The following TICRR variants were observed in gnomAD, a reference collection of about 807,000 sequenced individuals.
TICRR encodes the protein treslin.
TICRR carries 132 observed loss-of-function variants against 178.1 expected under a neutral mutation model. The observed-to-expected ratio is 0.74, with a 90% CI of 0.64 to 0.86. The LOEUF is 0.86. Among genes scored for constraint, TICRR ranks in the 40% least tolerant of loss-of-function variants. TICRR has a pLI of 0.00. For missense variants in TICRR, 2,587 were observed against 2,334.3 expected (o/e 1.11, Z -2.23); for synonymous variants, 991 against 900.7 (o/e 1.10, Z -1.79).
chr15:89,589,580 C>T (rs1001572408), intron 4 of TICRR, among the ~76,000 whole-genome samples: 1 of 152,126 alleles, frequency 6.6e-6, no homozygotes, highest in Non-Finnish European at 1.5e-5. Flanking sequence ...TGGCCTTTCT[C>T]CCCTAATCCA....
Position 89,624,169 on chromosome 15 carries a change from A to G in TICRR, c.3859A>G (p.Lys1287Glu), listed in dbSNP as rs372115142. The change falls in exon 20 of 22, where the codon AAA becomes GAA. Residue 1287 changes from lysine to glutamate, a missense_variant. Physicochemically the swap from Lys to Glu is moderately conservative, Grantham distance 56. Transcript: ENST00000268138. ...AEEPAQKLKD[K>E]AIKTPKRPGN... ...GGAACCAGCCCAGAAACTAAAGGATAAAGCTATCAAAACTCCAAAAAGACC... is the reference window on the plus strand; with the variant it reads ...GGAACCAGCCCAGAAACTAAAGGATGAAGCTATCAAAACTCCAAAAAGACC... 4.3e-6 allele frequency: 7 copies of G among 1,613,996 alleles called. No individual in the cohort carries two copies. The highest frequency in any genetic ancestry group is 1.6e-4 in the Middle Eastern group (1 of 6,084).
At position 89,625,261 on chromosome 15, in the gene TICRR, C is replaced by T; in HGVS notation, c.4951C>T (p.His1651Tyr). The change falls in exon 20 of 22, where the codon CAC (histidine) becomes TAC (tyrosine). Residue 1651 changes from histidine to tyrosine, a missense_variant. By Grantham distance (83) the His-to-Tyr change is moderately conservative. Coordinates refer to ENST00000268138, the MANE Select transcript of TICRR (RefSeq NM_152259.4). The stretch of plus-strand genomic sequence containing the variant: ...CATCTGCCAGGCCTGTACCCCCACC[C>T]ACGGCCCTTCTAGTACCCCCTCTCC... ...TYICQACTPT[H>Y]GPSSTPSPFQ... is the part of the protein sequence containing the mutation. 1 of 1,613,272 alleles carries T rather than the reference C, an allele frequency of 6.2e-7. No individual in the cohort carries two copies. Among genetic ancestry groups the T allele is most frequent in the African/African-American group, 1.3e-5 (1 of 75,016 alleles).
At chr15:89,592,295 A>G in intron 5 of TICRR, 119 bp downstream of exon 5, 1 of 773,180 alleles carries the variant, frequency 1.3e-6, no homozygotes, top group Non-Finnish European at 1.9e-6. Context: ...AAAAGTAGTT[A>G]CAAAAATAAA....
At chr15:89,617,152 T>A (rs1963348079) in intron 16 of TICRR, among the ~76,000 whole-genome samples, 1 of 152,178 alleles carries the variant, frequency 6.6e-6, no homozygotes, top group African/African-American at 2.4e-5. Flanking sequence ...TCCTGCTCAT[T>A]GTATAGATAA....
chr15:89,586,771 G>T (rs1197047904), intron 4 of TICRR, among the ~76,000 whole-genome samples: 1 of 152,200 alleles, frequency 6.6e-6, no homozygotes, highest in East Asian at 1.9e-4. Context: ...GAATGGCAGG[G>T]AAGCCTGTGG....
Position 89,584,413 on chromosome 15 carries a change from C to A in TICRR, c.1062C>A (p.Ser354Arg). ...TGGCCCAGTGGTCTCTCCCAACGAG[C>A]AGCACTTTGGGCACTGACAGCTGGA... ...GSVAQWSLPTSSTLGTDSWML... is the reference protein window; with the variant it reads ...GSVAQWSLPTRSTLGTDSWML... Residue 354 changes from serine (S) to arginine (R), a missense_variant, in exon 3 of 22, where the codon AGC becomes AGA. Ser to Arg is a moderately radical substitution (Grantham distance 110). Coordinates refer to ENST00000268138, the MANE Select transcript of TICRR (RefSeq NM_152259.4). 1 of 1,614,142 alleles carries A rather than the reference C, an allele frequency of 6.2e-7. No individual in the cohort carries two copies. The highest frequency in any genetic ancestry group is 8.5e-7 in the Non-Finnish European group (1 of 1,180,000).
intron 15 of TICRR, among the ~76,000 whole-genome samples, chr15:89,611,619 G>C (rs1406665464): frequency 6.6e-6 from 1 of 151,708 alleles, no homozygotes; most frequent in African/African-American, 2.4e-5. Flanking sequence ...ATATGTGTTG[G>C]TACACTTGAT....
intron 15 of TICRR, among the ~76,000 whole-genome samples, chr15:89,615,122 T>G (rs112413108): frequency 6.6e-6 from 1 of 152,216 alleles, no homozygotes; most frequent in Non-Finnish European, 1.5e-5. Flanking sequence ...CAGCTTGTTA[T>G]TGCACCAAAT....
chr15:89,599,338 G>A lies in TICRR; in HGVS notation c.1915G>A (p.Glu639Lys). Reference sequence around the variant, plus strand: ...TTTTTTCTCAGATTTTAAAACTGAGGAAGAGCTGCTATCATATATACGTGA... The same window carrying A: ...TTTTTTCTCAGATTTTAAAACTGAGAAAGAGCTGCTATCATATATACGTGA... ...SSKPKDFKTEEELLSYIRENY... is the reference protein window; with the variant it reads ...SSKPKDFKTEKELLSYIRENY... The change falls in exon 8 of 22, where the codon GAA becomes AAA. Residue 639 changes from glutamate (E) to lysine (K), a missense_variant. Physicochemically the swap from Glu to Lys is moderately conservative, Grantham distance 56. Coordinates refer to ENST00000268138, the MANE Select transcript of TICRR (RefSeq NM_152259.4). The A allele has an allele frequency of 6.2e-7, 1 of 1,601,698 alleles. No individual in the cohort carries two copies. The highest frequency in any genetic ancestry group is 1.1e-5 in the South Asian group (1 of 88,454).
At chr15:89,601,048 GAAAAAAA>G (rs71151515) in intron 9 of TICRR, among the ~76,000 whole-genome samples, 3 of 74,818 alleles carry the variant, frequency 4.0e-5, no homozygotes, top group East Asian at 4.1e-4. Context: ...CCTGTCTCAG[GAAAAAAA>G]AAAAAAAAAA....
At position 89,603,137 on chromosome 15, in the gene TICRR, T is replaced by G. The variant is rs143411452; in HGVS notation, c.2664+245T>G. Among the ~76,000 whole-genome samples, 714 of 152,238 alleles carry G rather than the reference T, an allele frequency of 4.7e-3. 5 individuals carry two copies. Among genetic ancestry groups the G allele is most frequent in the African/African-American group, 0.017 (691 of 41,542 alleles). On this transcript the variant is annotated intron_variant, in intron 13 of 21. Transcript: ENST00000268138. Reference sequence around the variant, plus strand: ...TGGCAAGTAAAAGTTAGGAATGAATTAATTCAAAATCTTTAATGTAGATAG... The same window carrying G: ...TGGCAAGTAAAAGTTAGGAATGAATGAATTCAAAATCTTTAATGTAGATAG...
chr15:89,624,936 C>A lies in TICRR; in HGVS notation c.4626C>A (p.Asn1542Lys), dbSNP rs141037732. Residue 1542 changes from asparagine (N) to lysine (K), a missense_variant, in exon 20 of 22, where the codon AAC becomes AAA. Transcript: ENST00000268138. ...RQCQASAQLD[N>K]LPASAWHSTD... ...GCCAGGCTTCGGCACAACTAGACAA[C>A]CTGCCAGCATCAGCTTGGCATTCCA... 9 of 1,614,000 alleles carry A rather than the reference C, an allele frequency of 5.6e-6. No homozygotes were observed. Among genetic ancestry groups the A allele is most frequent in the East Asian group, 2.2e-5 (1 of 44,888 alleles).
intron 1 of TICRR, among the ~76,000 whole-genome samples, chr15:89,576,519 C>T (rs1452196966): frequency 6.6e-6 from 1 of 152,012 alleles, no homozygotes; most frequent in Non-Finnish European, 1.5e-5. Context: ...AAGTCCAGTC[C>T]AGAAAATCAA....
rs755800524 is a variant in TICRR, at chr15:89,624,145, G to A, written c.3835G>A (p.Glu1279Lys). 1 of 1,613,804 alleles carries A rather than the reference G, an allele frequency of 6.2e-7. No homozygotes were observed. The highest frequency in any genetic ancestry group is 1.1e-5 in the South Asian group (1 of 91,052). The part of the protein sequence containing the change: ...PHVLRAARAE[E>K]PAQKLKDKAI... ...TGTCCTCAGAGCTGCTCGGGCAGAG[G>A]AACCAGCCCAGAAACTAAAGGATAA... Residue 1279 changes from glutamate to lysine, a missense_variant, in exon 20 of 22, where the codon GAA becomes AAA. Transcript: ENST00000268138.
At chr15:89,608,474 T>C (rs1034547177) in intron 14 of TICRR, among the ~76,000 whole-genome samples, 2 of 152,222 alleles carry the variant, frequency 1.3e-5, no homozygotes, top group African/African-American at 2.4e-5. Flanking sequence ...TCAACTGATA[T>C]TCAGGGTACC....
chr15:89,601,907 G>A lies in TICRR; in HGVS notation c.2498G>A (p.Arg833Lys), dbSNP rs764181034. The A allele has an allele frequency of 6.2e-7, 1 of 1,614,020 alleles. No individual in the cohort carries two copies. The highest frequency in any genetic ancestry group is 2.2e-5 in the East Asian group (1 of 44,896). The change falls in exon 12 of 22, where the codon AGA becomes AAA. Residue 833 changes from arginine to lysine, a missense_variant. By Grantham distance (26) the Arg-to-Lys change is conservative. Transcript: ENST00000268138. ...GTGCCTTTTTTGTCAAGTGCTCGTA[G>A]ATCAGTGTCAGGCAGCCCTGAATCT... is the stretch of plus-strand genomic sequence containing the variant. ...LSVPFLSSAR[R>K]SVSGSPESDE...
At chr15:89,605,175 T>C (rs1963156185) in intron 13 of TICRR, among the ~76,000 whole-genome samples, 2 of 152,236 alleles carry the variant, frequency 1.3e-5, no homozygotes, top group Non-Finnish European at 2.9e-5. Context: ...TTTTAGCCTT[T>C]GCAGGCCATA....
At chr15:89,621,291 G>A (rs1222282343) in intron 18 of TICRR, 102 bp from the exon 19 acceptor site, 2 of 1,240,394 alleles carry the variant, frequency 1.6e-6, no homozygotes, top group Non-Finnish European at 1.1e-6. Context: ...AAAGTGCTGG[G>A]ATTACAGGCG....
At chr15:89,597,506 CGGAGCA>C (rs1344578791) in intron 7 of TICRR, among the ~76,000 whole-genome samples, 4,073 of 145,332 alleles carry the variant, frequency 0.028, 180 homozygotes, top group African/African-American at 0.098. Context: ...GCCTGGGTGA[CGGAGCA>C]AGACTCTGTC....
Sources: gnomAD v4.1 joint callset for allele counts (sites outside exome capture counted in the v4.1 genomes callset) on GRCh38, gnomAD v4.1.1 for gene constraint, MANE v1.5 for transcripts, NCBI Gene and HGNC (gene_info 2026-07-23, HGNC 2026-07-21) for gene names.